Variants in ZNF609 observed in about 807,000 individuals in gnomAD.
ZNF609 encodes the protein zinc finger protein 609.
Under a neutral mutation model 109.5 loss-of-function variants are expected in ZNF609, and 11 were observed. That is an observed-to-expected ratio of 0.10 (90% CI 0.06 to 0.17). The LOEUF is 0.17. Ranked by LOEUF, ZNF609 falls within the 10% of genes least tolerant of loss-of-function variation. The pLI is 1.00. For missense variants in ZNF609, 1,559 were observed against 1,772.4 expected, an observed-to-expected ratio of 0.88 and a Z score of 2.16; for synonymous variants, 646 against 662.0, an observed-to-expected ratio of 0.98 and a Z score of 0.37.
chr15:64,613,405 T>C (rs1330390521), intron 2 of ZNF609, among the ~76,000 whole-genome samples: 1 of 152,328 alleles, frequency 6.6e-6, no homozygotes, highest in East Asian at 1.9e-4. Context: ...CAGGGTATTC[T>C]GTTGCATTCT....
At chr15:64,542,114 A>ATC (rs1894275781) in intron 2 of ZNF609, among the ~76,000 whole-genome samples, 1 of 152,170 alleles carries the variant, frequency 6.6e-6, no homozygotes, top group South Asian at 2.1e-4. Context: ...GGAGACCCCC[A>ATC]TCTCTCTCAC....
chr15:64,666,503 T>C (rs1442614052), intron 3 of ZNF609, among the ~76,000 whole-genome samples: 10 of 152,176 alleles, frequency 6.6e-5, no homozygotes, highest in African/African-American at 2.2e-4. Context: ...TTTTACTTTA[T>C]TGTATTTATT....
At chr15:64,476,539 T>C (rs1893172707) in intron 1 of ZNF609, among the ~76,000 whole-genome samples, 1 of 152,144 alleles carries the variant, frequency 6.6e-6, no homozygotes, top group African/African-American at 2.4e-5. Context: ...CTGAGATTAG[T>C]GGATTCTCTT....
intron 2 of ZNF609, among the ~76,000 whole-genome samples, chr15:64,607,850 TC>T (rs1567027686): frequency 4.2e-5 from 1 of 23,970 alleles, no homozygotes; most frequent in Admixed American, 1.0e-3. Flanking sequence ...TTTCTTTCTT[TC>T]TTTCTTTCTT....
At chr15:64,583,815 G>A (rs1895150641) in intron 2 of ZNF609, among the ~76,000 whole-genome samples, 3 of 152,182 alleles carry the variant, frequency 2.0e-5, no homozygotes, top group African/African-American at 7.2e-5. Flanking sequence ...GACTTTGAGC[G>A]ATCTTCCTGT....
intron 2 of ZNF609, among the ~76,000 whole-genome samples, chr15:64,533,170 C>T (rs1237732975): frequency 1.3e-5 from 2 of 152,040 alleles, no homozygotes; most frequent in Non-Finnish European, 1.5e-5. Flanking sequence ...CCTGCCTCAG[C>T]CTCCTGAGTA....
chr15:64,478,945 A>T (rs1022284581), intron 1 of ZNF609, among the ~76,000 whole-genome samples: 1 of 152,192 alleles, frequency 6.6e-6, no homozygotes, highest in Non-Finnish European at 1.5e-5. Flanking sequence ...GGTTGAAAGG[A>T]TATCAGTTTA....
In ZNF609 at chr15:64,657,870, C is replaced by CT. The variant is rs1201505301; in HGVS notation, c.974-12466dup. Among the ~76,000 whole-genome samples the CT allele has an allele frequency of 6.8e-3, 1,008 of 149,078 alleles. 12 individuals are homozygous for CT. The highest frequency in any genetic ancestry group is 0.023 in the African/African-American group (937 of 40,810). ...GCCAGAAAGTCAACTCTATTTACTT[C>CT]TTTTTTTTTTAGCCCTTGATCCCTC... is the stretch of plus-strand genomic sequence containing the variant. On this transcript the variant is annotated intron_variant, in intron 3 of 9. Transcript: ENST00000326648.
At chr15:64,475,091 T>C (rs1214666349) in intron 1 of ZNF609, among the ~76,000 whole-genome samples, 1 of 121,800 alleles carries the variant, frequency 8.2e-6, no homozygotes, top group African/African-American at 3.0e-5. Context: ...GCATACCCAG[T>C]TTATCCTTTT....
intron 4 of ZNF609, among the ~76,000 whole-genome samples, chr15:64,673,358 TTAGGGCCTATGAGG>T (rs1418836210): frequency 6.6e-6 from 1 of 152,172 alleles, no homozygotes. Flanking sequence ...AAAAGCTACT[TTAGGGCCTATGAGG>T]AGTGACCCCT....
intron 3 of ZNF609, among the ~76,000 whole-genome samples, chr15:64,652,343 A>G (rs897763312): frequency 4.4e-5 from 6 of 136,174 alleles, no homozygotes; most frequent in African/African-American, 2.1e-4. Context: ...TTTTATATAT[A>G]TATTTTTAGC....
At chr15:64,579,933 C>CA (rs564523128) in intron 2 of ZNF609, among the ~76,000 whole-genome samples, 5 of 151,908 alleles carry the variant, frequency 3.3e-5, no homozygotes, top group African/African-American at 4.8e-5. Flanking sequence ...CTGCCTCCTC[C>CA]AAAAAAAATC....
intron 2 of ZNF609, among the ~76,000 whole-genome samples, chr15:64,617,319 GC>G (rs1477963342): frequency 6.6e-6 from 1 of 150,728 alleles, no homozygotes; most frequent in Non-Finnish European, 1.5e-5. Context: ...ACCATTCCCG[GC>G]CAAAAAATTA....
chr15:64,646,080 G>A (rs1780167179), intron 3 of ZNF609, among the ~76,000 whole-genome samples: 2 of 152,190 alleles, frequency 1.3e-5, no homozygotes, highest in Admixed American at 1.3e-4. Context: ...AAACTTGTAT[G>A]TGAATATATG....
chr15:64,469,047 AAAAAAAAAACAAC>A (rs1382443485), intron 1 of ZNF609, among the ~76,000 whole-genome samples: 2 of 140,960 alleles, frequency 1.4e-5, no homozygotes, highest in Non-Finnish European at 1.6e-5. Flanking sequence ...AAAAAAAAAA[AAAAAAAAAACAAC>A]ACAATTCAGC....
chr15:64,540,514 C>T lies in ZNF609; in HGVS notation c.747+40348C>T, dbSNP rs190399387. Among the ~76,000 whole-genome samples the T allele has an allele frequency of 3.1e-3, 477 of 152,028 alleles. 2 individuals carry two copies. The highest frequency in any genetic ancestry group is 4.7e-3 in the Non-Finnish European group (322 of 67,962). On this transcript the variant is annotated intron_variant, in intron 2 of 9. Transcript: ENST00000326648. ...CCGCCTCCTGGGTTCAAGTGATTCT[C>T]CTGCTTTAGCCTCCCAAGTAGCTGG...
chr15:64,584,028 A>G (rs913342233), intron 2 of ZNF609, among the ~76,000 whole-genome samples: 1 of 152,142 alleles, frequency 6.6e-6, no homozygotes, highest in African/African-American at 2.4e-5. Context: ...CTTGTCTGCT[A>G]TTCTCTTCTC....
At chr15:64,565,075 CGGA>C (rs1407013650) in intron 2 of ZNF609, among the ~76,000 whole-genome samples, 1 of 130,826 alleles carries the variant, frequency 7.6e-6, no homozygotes, top group African/African-American at 2.9e-5. Context: ...TTTTTTGAGA[CGGA>C]GTCTTGATTC....
chr15:64,522,816 C>G (rs1385924426), intron 2 of ZNF609, among the ~76,000 whole-genome samples: 1 of 152,010 alleles, frequency 6.6e-6, no homozygotes, highest in African/African-American at 2.4e-5. Context: ...CTTTTCCTTG[C>G]TGGAGTAGCA....
Sources: gnomAD v4.1 joint callset for allele counts (sites outside exome capture counted in the v4.1 genomes callset) on GRCh38, gnomAD v4.1.1 for gene constraint, MANE v1.5 for transcripts, NCBI Gene and HGNC (gene_info 2026-07-23, HGNC 2026-07-21) for gene names.